The following CIMIP7 variants were observed in gnomAD, a reference collection of about 807,000 sequenced individuals.
The protein encoded by CIMIP7 is uncharacterized protein C3orf84.
the CIMIP7 span, among the ~76,000 whole-genome samples, chr3:49,189,455 G>A: frequency 4.6e-5 from 7 of 152,124 alleles, no homozygotes; most frequent in African/African-American, 2.4e-5. Flanking sequence ...TTGTCTCCAG[G>A]CTTGTAAGTA....
At chr3:49,178,011 G>C in the CIMIP7 span, 1 of 1,610,276 alleles carries the variant, frequency 6.2e-7, no homozygotes, top group South Asian at 1.1e-5. Flanking sequence ...GGCGCTCCAG[G>C]TCCTTCCGCC....
chr3:49,181,404 AC>A, the CIMIP7 span, among the ~76,000 whole-genome samples: 7 of 151,428 alleles, frequency 4.6e-5, 1 homozygote, highest in Admixed American at 4.0e-4. Flanking sequence ...TAATCCCAGG[AC>A]TTTGAGAGGC....
chr3:49,185,709 G>A, the CIMIP7 span, among the ~76,000 whole-genome samples: 2 of 144,206 alleles, frequency 1.4e-5, no homozygotes, highest in African/African-American at 5.2e-5. Context: ...TTTTTTCCCC[G>A]AGACGGAGTC....
the CIMIP7 span, chr3:49,178,520 A>G: frequency 4.5e-5 from 73 of 1,613,558 alleles, no homozygotes; most frequent in South Asian, 9.9e-5. Flanking sequence ...TTGGAGAAGA[A>G]GTGTCGCTGC....
the CIMIP7 span, among the ~76,000 whole-genome samples, chr3:49,182,726 T>G: frequency 1.3e-5 from 2 of 152,098 alleles, no homozygotes; most frequent in Non-Finnish European, 1.5e-5. Flanking sequence ...GCGGCGCTTG[T>G]TGGGGAGGCT....
At chr3:49,179,710 C>T in the CIMIP7 span, among the ~76,000 whole-genome samples, 1 of 152,192 alleles carries the variant, frequency 6.6e-6, no homozygotes, top group Non-Finnish European at 1.5e-5. Context: ...TGATGTTACC[C>T]CCACTGATTA....
At chr3:49,187,894 G>A in the CIMIP7 span, among the ~76,000 whole-genome samples, 1 of 152,258 alleles carries the variant, frequency 6.6e-6, no homozygotes, top group South Asian at 2.1e-4. Flanking sequence ...GCTACTTGGG[G>A]CTGCTGATAA....
chr3:49,179,499 G>A, the CIMIP7 span, among the ~76,000 whole-genome samples: 1 of 152,132 alleles, frequency 6.6e-6, no homozygotes, highest in African/African-American at 2.4e-5. Context: ...TGGTCCTTCT[G>A]TTACCTCCAG....
At chr3:49,185,408 TA>T in the CIMIP7 span, among the ~76,000 whole-genome samples, 1 of 142,704 alleles carries the variant, frequency 7.0e-6, no homozygotes, top group African/African-American at 2.6e-5. Context: ...CTACTAAAAA[TA>T]AAAAAAATTA....
At chr3:49,181,758 AC>A in the CIMIP7 span, among the ~76,000 whole-genome samples, 2 of 152,236 alleles carry the variant, frequency 1.3e-5, no homozygotes, top group Admixed American at 1.3e-4. Context: ...AAGACATCTA[AC>A]CAAAGAAGAT....
chr3:49,188,986 C>T, the CIMIP7 span, among the ~76,000 whole-genome samples: 23 of 143,300 alleles, frequency 1.6e-4, no homozygotes, highest in East Asian at 2.0e-4. Flanking sequence ...TTTTTTGAGA[C>T]GGAGTTTTGC....
At chr3:49,177,732 G>C in the CIMIP7 span, 1 of 1,609,824 alleles carries the variant, frequency 6.2e-7, no homozygotes, top group Non-Finnish European at 8.5e-7. Flanking sequence ...GGATCCCTGG[G>C]AGGTCAGGCA....
the CIMIP7 span, chr3:49,178,038 C>T: frequency 2.5e-6 from 4 of 1,602,622 alleles, no homozygotes; most frequent in Non-Finnish European, 2.6e-6. Context: ...TTCCCTGCAG[C>T]AGGCAATAGG....
At chr3:49,185,361 T>C in the CIMIP7 span, among the ~76,000 whole-genome samples, 1 of 150,256 alleles carries the variant, frequency 6.7e-6, no homozygotes, top group African/African-American at 2.5e-5. Context: ...GATCAGGAGG[T>C]TGAGACCAAC....
At chr3:49,185,689 C>CTT in the CIMIP7 span, among the ~76,000 whole-genome samples, 2 of 143,134 alleles carry the variant, frequency 1.4e-5, no homozygotes, top group African/African-American at 2.6e-5. Context: ...AATTTTAAAG[C>CTT]TTTTTTTTTT....
At chr3:49,182,664 A>G in the CIMIP7 span, among the ~76,000 whole-genome samples, 1 of 152,114 alleles carries the variant, frequency 6.6e-6, no homozygotes, top group African/African-American at 2.4e-5. Flanking sequence ...CCGTGTGCCC[A>G]CACTTCTCAG....
the CIMIP7 span, among the ~76,000 whole-genome samples, chr3:49,181,428 A>G: frequency 6.6e-6 from 1 of 151,632 alleles, no homozygotes; most frequent in South Asian, 2.1e-4. Flanking sequence ...AGGAGGAAAG[A>G]TTGCTTGAGC....
chr3:49,182,162 G>T, the CIMIP7 span, among the ~76,000 whole-genome samples: 1 of 152,228 alleles, frequency 6.6e-6, no homozygotes, highest in South Asian at 2.1e-4. Flanking sequence ...TTTATTGCAA[G>T]GAGTGAAAGA....
At chr3:49,177,956 C>G in the CIMIP7 span, 1 of 1,613,558 alleles carries the variant, frequency 6.2e-7, no homozygotes, top group Non-Finnish European at 8.5e-7. Context: ...TGGCGCAACT[C>G]TATCTCACAG....
Sources: allele counts gnomAD v4.1 joint callset (sites outside exome capture counted in the v4.1 genomes callset), GRCh38; gene constraint gnomAD v4.1.1; transcripts MANE v1.5; gene names NCBI Gene and HGNC (gene_info 2026-07-23, HGNC 2026-07-21).